The following GAB2 variants were observed in gnomAD, a reference collection of about 807,000 sequenced individuals.
GAB2 encodes the protein GRB2-associated-binding protein 2.
Under a neutral mutation model 65.5 loss-of-function variants are expected in GAB2, and 26 were observed. The ratio of observed to expected loss-of-function variants is 0.40; its 90% confidence interval spans 0.29 to 0.55. The LOEUF is 0.55. GAB2 is among the 20% of genes least tolerant of loss of function. The pLI is 0.53. For synonymous variants in GAB2, 321 were observed against 329.6 expected (o/e 0.97, Z 0.28); for missense variants, 884 against 875.8 (o/e 1.01, Z -0.12).
At chr11:78,361,530 C>T (rs1856435017) in intron 1 of GAB2, among the ~76,000 whole-genome samples, 1 of 152,178 alleles carries the variant, frequency 6.6e-6, no homozygotes. Flanking sequence ...TAATCTCCTA[C>T]ATAAAGAGCT....
At chr11:78,271,295 T>C (rs1565135835) in intron 2 of GAB2, among the ~76,000 whole-genome samples, 1 of 152,224 alleles carries the variant, frequency 6.6e-6, no homozygotes, top group Non-Finnish European at 1.5e-5. Flanking sequence ...GACAGCTATT[T>C]TGATTCCAAG....
At chr11:78,269,476 G>A (rs1865956099) in intron 2 of GAB2, among the ~76,000 whole-genome samples, 1 of 152,116 alleles carries the variant, frequency 6.6e-6, no homozygotes, top group Non-Finnish European at 1.5e-5. Flanking sequence ...TGGACTACTT[G>A]GCTCTACCAC....
intron 2 of GAB2, among the ~76,000 whole-genome samples, chr11:78,251,985 C>T (rs923266151): frequency 6.6e-5 from 10 of 152,116 alleles, no homozygotes; most frequent in Admixed American, 1.3e-4. Context: ...ACTTCTTGTT[C>T]GAAAGAAATA....
chr11:78,375,842 T>C (rs919764411), intron 1 of GAB2, among the ~76,000 whole-genome samples: 1 of 152,290 alleles, frequency 6.6e-6, no homozygotes, highest in Non-Finnish European at 1.5e-5. Flanking sequence ...CTATATTCCA[T>C]TTCATTCAGA....
At chr11:78,371,393 T>C (rs1251730723) in intron 1 of GAB2, among the ~76,000 whole-genome samples, 2 of 152,340 alleles carry the variant, frequency 1.3e-5, no homozygotes, top group South Asian at 2.1e-4. Context: ...GGATATTACA[T>C]GGTTATAGTG....
At chr11:78,251,603 C>T (rs777209935) in intron 2 of GAB2, among the ~76,000 whole-genome samples, 22 of 152,164 alleles carry the variant, frequency 1.4e-4, no homozygotes, top group Non-Finnish European at 2.4e-4. Context: ...TTGAACACAC[C>T]AGCCTCTTTT....
intron 3 of GAB2, among the ~76,000 whole-genome samples, chr11:78,246,964 C>T (rs1865316494): frequency 6.6e-6 from 1 of 152,138 alleles, no homozygotes; most frequent in African/African-American, 2.4e-5. Context: ...TCCTAAGACT[C>T]ACATAGTTTC....
At position 78,226,838 on chromosome 11, in the gene GAB2, G is replaced by C. The variant is rs1239184797; in HGVS notation, c.834C>G (p.Thr278=). The C allele has an allele frequency of 2.1e-5, 34 of 1,613,958 alleles. No homozygotes were observed. The highest frequency in any genetic ancestry group is 2.8e-5 in the Non-Finnish European group (33 of 1,179,830). The change falls in exon 4 of 10, where the codon ACC becomes ACG. Residue 278 remains threonine, a synonymous_variant. Transcript: ENST00000361507. ...TCTCGGAGCCTGTGAGGCTGCCCTTGGTGTGGCCATGGGAGGCCAGGCTGC... is the reference window on the plus strand; with the variant it reads ...TCTCGGAGCCTGTGAGGCTGCCCTTCGTGTGGCCATGGGAGGCCAGGCTGC... ...LPRSLASHGH[T]KGSLTGSETD...
At chr11:78,343,046 T>C (rs1188917893) in intron 1 of GAB2, among the ~76,000 whole-genome samples, 1 of 152,140 alleles carries the variant, frequency 6.6e-6, no homozygotes, top group African/African-American at 2.4e-5. Flanking sequence ...GTAGGTACCC[T>C]TGAGTAACTG....
At chr11:78,223,135 C>T (rs960375264) in intron 6 of GAB2, among the ~76,000 whole-genome samples, 4 of 152,168 alleles carry the variant, frequency 2.6e-5, no homozygotes, top group Non-Finnish European at 5.9e-5. Context: ...TTGTAGCAGA[C>T]GAGGACCTTG....
chr11:78,396,195 A>G (rs914256363), intron 1 of GAB2, among the ~76,000 whole-genome samples: 1 of 152,236 alleles, frequency 6.6e-6, no homozygotes. Context: ...ATGCCTTGCT[A>G]CACAAAGCAA....
chr11:78,372,300 AAG>A (rs1856582563), intron 1 of GAB2, among the ~76,000 whole-genome samples: 2 of 152,166 alleles, frequency 1.3e-5, no homozygotes, highest in Admixed American at 6.5e-5. Context: ...CTGAGAGATG[AAG>A]AGTTTCCATG....
At chr11:78,291,555 CTTTTTCTTTTTTTTTTTTT>C (rs1299462099) in intron 1 of GAB2, among the ~76,000 whole-genome samples, 1,480 of 55,078 alleles carry the variant, frequency 0.027, 56 homozygotes, top group Middle Eastern at 0.091. Context: ...TTACTTTTTT[CTTTTTCTTTTTTTTTTTTT>C]TTTTTTTTTT....
intron 1 of GAB2, among the ~76,000 whole-genome samples, chr11:78,379,693 C>T (rs1856673764): frequency 6.6e-6 from 1 of 152,242 alleles, no homozygotes; most frequent in African/African-American, 2.4e-5. Flanking sequence ...CAGGACACAG[C>T]TGTCATTGCC....
At chr11:78,384,152 G>A (rs1018418951) in intron 1 of GAB2, among the ~76,000 whole-genome samples, 5 of 152,164 alleles carry the variant, frequency 3.3e-5, no homozygotes, top group Non-Finnish European at 7.4e-5. Flanking sequence ...CACCTCAAAG[G>A]TGGCACCAGA....
intron 1 of GAB2, among the ~76,000 whole-genome samples, chr11:78,354,254 G>C (rs978577367): frequency 2.9e-4 from 44 of 152,146 alleles, no homozygotes; most frequent in African/African-American, 1.1e-3. Flanking sequence ...CGTTTTGAAA[G>C]AGATTCACAG....
rs1038907496 is a variant in GAB2 at position 78,263,876 on chromosome 11, G to A, written c.377-13476C>T. ...AGTGACTGAGTGCCTAGTCACCTGG[G>A]CAAGGATGTCAGTCTCCTGTCAATT... On this transcript the variant is annotated intron_variant, in intron 2 of 9. Coordinates refer to ENST00000361507, the MANE Select transcript of GAB2 (RefSeq NM_080491.3). Among the ~76,000 whole-genome samples, 7 of 150,270 alleles carry A rather than the reference G, an allele frequency of 4.7e-5. No individual in the cohort carries two copies. In the East Asian group the frequency reaches 1.4e-3, roughly 29 times the overall value.
chr11:78,411,907 G>A (rs1857134424), intron 1 of GAB2, among the ~76,000 whole-genome samples: 1 of 152,080 alleles, frequency 6.6e-6, no homozygotes, highest in Admixed American at 6.6e-5. Context: ...GCGCACACCT[G>A]TAGTCCCAGC....
chr11:78,387,481 T>C (rs1157105634), intron 1 of GAB2, among the ~76,000 whole-genome samples: 1 of 152,224 alleles, frequency 6.6e-6, no homozygotes, highest in Non-Finnish European at 1.5e-5. Flanking sequence ...GGGTCAGAAT[T>C]AAGTCCACAG....
Sources: allele counts gnomAD v4.1 joint callset (sites outside exome capture counted in the v4.1 genomes callset), GRCh38; gene constraint gnomAD v4.1.1; transcripts MANE v1.5; gene names NCBI Gene and HGNC (gene_info 2026-07-23, HGNC 2026-07-21).